NOTCH2: variants seen among roughly 807,000 people sequenced by gnomAD.
The protein encoded by NOTCH2 is notch receptor 2.
NOTCH2 carries 29 observed loss-of-function variants against 235.8 expected under a neutral mutation model. The observed-to-expected ratio is 0.12, with a 90% CI of 0.09 to 0.17. The LOEUF is 0.17. NOTCH2 is among the 10% of genes least tolerant of loss of function. The pLI is 1.00. For missense variants in NOTCH2, 2,285 were observed against 3,150.2 expected (o/e 0.73, Z 6.57); for synonymous variants, 1,086 against 1,141.5 (o/e 0.95, Z 0.98).
intron 5 of NOTCH2, among the ~76,000 whole-genome samples, chr1:119,986,348 C>T (rs782091499): frequency 3.3e-5 from 5 of 152,072 alleles, no homozygotes; most frequent in Admixed American, 6.6e-5. Context: ...TGAGAAACTT[C>T]CAAGAGGCTG....
chr1:119,966,604 G>C, intron 8 of NOTCH2, 115 bp from the exon 9 acceptor site: 1 of 762,162 alleles, frequency 1.3e-6, no homozygotes, highest in Admixed American at 1.9e-5. Context: ...CATTTCTGCA[G>C]AGAAAAAAGG....
rs1043924453 is a variant in NOTCH2 at position 119,912,245 on chromosome 1, G to T, written c.*3061C>A. On this transcript the variant is annotated 3_prime_UTR_variant, in exon 34 of 34. Transcript: ENST00000256646. ...CAAACAGATATAATATCACTTTTAA[G>T]AGAAATGTACACAAGGAAGTAACCA... is the stretch of plus-strand genomic sequence containing the variant. 7 of 233,128 alleles carry T rather than the reference G, an allele frequency of 3.0e-5. No individual in the cohort carries two copies. Among genetic ancestry groups the T allele is most frequent in the Admixed American group, 1.1e-4 (2 of 17,752 alleles). The allele number at this position is 233,128 out of a possible 1,614,324, so 14.4% of individuals were successfully genotyped here.
chr1:119,921,174 C>CA (rs1446113398), intron 29 of NOTCH2, among the ~76,000 whole-genome samples: 8 of 152,222 alleles, frequency 5.3e-5, no homozygotes, highest in African/African-American at 1.7e-4. Context: ...CAGCCATGCA[C>CA]AGCTGTGGAT....
intron 1 of NOTCH2, among the ~76,000 whole-genome samples, chr1:120,034,335 C>CAAAAA (rs558577685): frequency 1.8e-5 from 1 of 55,802 alleles, no homozygotes; most frequent in African/African-American, 1.5e-4. Context: ...TCTACTCCAC[C>CAAAAA]AAAAAAAAAA....
chr1:119,974,359 G>T (rs1651480932), intron 5 of NOTCH2, among the ~76,000 whole-genome samples: 1 of 152,164 alleles, frequency 6.6e-6, no homozygotes, highest in African/African-American at 2.4e-5. Flanking sequence ...CAGGACTGAG[G>T]CAGTGGACTA....
chr1:119,948,891 G>T, intron 16 of NOTCH2, 116 bp downstream of exon 16: 1 of 1,336,104 alleles, frequency 7.5e-7, no homozygotes, highest in Non-Finnish European at 1.1e-6. Context: ...GTGTGCTCTT[G>T]ACAAGATGGA....
At chr1:119,922,801 CGGA>C (rs752207542) in intron 26 of NOTCH2, 23 bp from the exon 27 acceptor site, 4 of 1,613,730 alleles carry the variant, frequency 2.5e-6, no homozygotes, top group East Asian at 2.2e-5. Flanking sequence ...AAGGGAGAAG[CGGA>C]GGAGGAGAGA....
chr1:119,972,471 T>G (rs1032832895), intron 5 of NOTCH2, among the ~76,000 whole-genome samples: 6 of 152,228 alleles, frequency 3.9e-5, no homozygotes, highest in Admixed American at 3.9e-4. Flanking sequence ...ACAATTTAGA[T>G]GTCATTTTTC....
chr1:119,949,033 G>C lies in NOTCH2; in HGVS notation c.2573C>G (p.Thr858Ser), dbSNP rs782631431. The C allele has an allele frequency of 5.6e-6, 9 of 1,614,088 alleles. No homozygotes were observed. Among genetic ancestry groups the C allele is most frequent in the Non-Finnish European group, 6.8e-6 (8 of 1,180,050 alleles). The change falls in exon 16 of 34, where the codon ACT becomes AGT. Residue 858 changes from threonine (T) to serine (S), a missense_variant. Physicochemically the swap from Thr to Ser is moderately conservative, Grantham distance 58. Coordinates refer to ENST00000256646, the MANE Select transcript of NOTCH2 (RefSeq NM_024408.4). ...CKESPNFESY[T>S]CLCAPGWQGQ... ...TTGCCAGCCAGGAGCACACAAGCAA[G>C]TATAACTCTCAAAATTTGGTGACTC... is the stretch of plus-strand genomic sequence containing the variant.
chr1:119,943,672 G>C (rs1553196736), intron 17 of NOTCH2, among the ~76,000 whole-genome samples: 1 of 152,074 alleles, frequency 6.6e-6, no homozygotes, highest in Non-Finnish European at 1.5e-5. Flanking sequence ...CCAGTAAAAA[G>C]TTACCAGGCA....
At chr1:120,027,469 A>T (rs1432670275) in intron 2 of NOTCH2, among the ~76,000 whole-genome samples, 4 of 148,464 alleles carry the variant, frequency 2.7e-5, no homozygotes, top group South Asian at 4.4e-4. Flanking sequence ...AATTTTTTTT[A>T]AATTTTACTT....
At chr1:119,958,624 G>C (rs1183050450) in intron 12 of NOTCH2, among the ~76,000 whole-genome samples, 2 of 152,104 alleles carry the variant, frequency 1.3e-5, no homozygotes, top group African/African-American at 4.8e-5. Context: ...GTCAGTGAGG[G>C]GCCTCAGGTT....
chr1:119,982,898 G>A (rs371031579), intron 5 of NOTCH2, among the ~76,000 whole-genome samples: 1 of 152,202 alleles, frequency 6.6e-6, no homozygotes, highest in Admixed American at 6.5e-5. Context: ...AGGCCATGGG[G>A]AAACCATCTA....
Position 120,044,032 on chromosome 1 carries a change from G to T in NOTCH2, c.74-14045C>A, listed in dbSNP as rs1654699505. ...TCATAAGTATGATATACCCTATCTT[G>T]ACAAGATTTTACTCTTAAAAATGAA... is the stretch of plus-strand genomic sequence containing the variant. On this transcript the variant is annotated intron_variant, in intron 1 of 33. Transcript: ENST00000256646. 1.3e-5 allele frequency among the ~76,000 whole-genome samples: 2 copies of T among 151,706 alleles called. 1 individual carries two copies.
At chr1:119,963,051 T>C (rs1241320509) in intron 11 of NOTCH2, among the ~76,000 whole-genome samples, 18 of 152,048 alleles carry the variant, frequency 1.2e-4, no homozygotes, top group Admixed American at 1.1e-3. Context: ...TCCTCTTCCT[T>C]AGAATCCCCC....
intron 3 of NOTCH2, among the ~76,000 whole-genome samples, chr1:120,000,000 G>GAAGGGAGA (rs1652680830): frequency 1.4e-5 from 2 of 139,238 alleles, no homozygotes; most frequent in Non-Finnish European, 3.0e-5. Context: ...AGGAAGGAAG[G>GAAGGGAGA]AAGGAAGGAA....
chr1:119,933,885 T>C (rs1434310330), intron 22 of NOTCH2, among the ~76,000 whole-genome samples: 1 of 152,198 alleles, frequency 6.6e-6, no homozygotes, highest in Non-Finnish European at 1.5e-5. Flanking sequence ...GTCAATATAC[T>C]GCGAGGGATA....
chr1:119,997,656 CTT>C (rs1411578054), intron 3 of NOTCH2, among the ~76,000 whole-genome samples: 1 of 152,070 alleles, frequency 6.6e-6, no homozygotes, highest in East Asian at 1.9e-4. Flanking sequence ...AGCTCACTGT[CTT>C]TGCATATGCT....
At chr1:119,925,201 G>A in intron 25 of NOTCH2, 104 bp downstream of exon 25, 1 of 1,439,762 alleles carries the variant, frequency 6.9e-7, no homozygotes, top group Non-Finnish European at 9.8e-7. Flanking sequence ...CTGAAAAGCA[G>A]AGGCAGCTTA....
Sources: allele counts gnomAD v4.1 joint callset (sites outside exome capture counted in the v4.1 genomes callset), GRCh38; gene constraint gnomAD v4.1.1; transcripts MANE v1.5; gene names NCBI Gene and HGNC (gene_info 2026-07-23, HGNC 2026-07-21).